NSMAF: variants seen among roughly 807,000 people sequenced by gnomAD.
NSMAF encodes the protein neutral sphingomyelinase activation associated factor, also known as protein FAN.
A neutral mutation model predicts 134.9 loss-of-function variants in NSMAF; 90 were observed. That is an observed-to-expected ratio of 0.67 (90% CI 0.56 to 0.79). The LOEUF (loss-of-function observed/expected upper bound fraction) is 0.79, where lower values mean the gene tolerates loss of function less well. Ranked by LOEUF, NSMAF falls within the 30% of genes least tolerant of loss-of-function variation. The probability of loss-of-function intolerance (pLI) is 0.00; values close to 1 mark genes in which losing one functional copy is unlikely to be tolerated. For synonymous variants in NSMAF, 358 were observed against 389.6 expected, an observed-to-expected ratio of 0.92 and a Z score of 0.96; for missense variants, 1,010 against 1,119.0, an observed-to-expected ratio of 0.90 and a Z score of 1.39.
chr8:58,608,573 T>C (rs975376202), intron 10 of NSMAF, among the ~76,000 whole-genome samples: 2 of 152,092 alleles, frequency 1.3e-5, no homozygotes, highest in African/African-American at 2.4e-5. Context: ...CTGGCCAGTA[T>C]TGGGAAGGGG....
At chr8:58,591,966 C>T (rs967654070) in intron 23 of NSMAF, among the ~76,000 whole-genome samples, 7 of 152,168 alleles carry the variant, frequency 4.6e-5, no homozygotes, top group African/African-American at 9.7e-5. Flanking sequence ...ATTTTTGCAA[C>T]CCCAACACAC....
intron 30 of NSMAF, among the ~76,000 whole-genome samples, chr8:58,585,141 G>C (rs1337647285): frequency 6.6e-6 from 1 of 152,070 alleles, no homozygotes; most frequent in African/African-American, 2.4e-5. Context: ...ATTACCAAAT[G>C]AAAAACATGG....
Position 58,594,305 on chromosome 8 carries a change from A to T in NSMAF, c.1893-15T>A. The T allele has an allele frequency of 1.2e-6, 2 of 1,611,364 alleles. No homozygotes were observed. Among genetic ancestry groups the T allele is most frequent in the South Asian group, 2.2e-5 (2 of 91,006 alleles). Reference sequence around the variant, plus strand: ...CAGTAACTGCTCTGCTCAAAAACAAAGTTTCACAAATTACTACTCATCATG... The same window carrying T: ...CAGTAACTGCTCTGCTCAAAAACAATGTTTCACAAATTACTACTCATCATG... On this transcript the variant is annotated splice_polypyrimidine_tract_variant and intron_variant, in intron 22 of 30. Transcript: ENST00000038176.
chr8:58,648,381 G>A (rs765348499), intron 1 of NSMAF, among the ~76,000 whole-genome samples: 14 of 152,194 alleles, frequency 9.2e-5, no homozygotes, highest in Non-Finnish European at 1.5e-4. Flanking sequence ...TTTGTAGCCC[G>A]GCCATGTGGT....
At chr8:58,624,080 C>T (rs1320398453) in intron 6 of NSMAF, among the ~76,000 whole-genome samples, 5 of 119,170 alleles carry the variant, frequency 4.2e-5, no homozygotes, top group East Asian at 2.5e-4. Flanking sequence ...CTTGTTCTGT[C>T]GCCCAGGCTG....
chr8:58,606,009 A>G lies in NSMAF; in HGVS notation c.786T>C (p.Asp262=). 6.3e-7 allele frequency: 1 copy of G among 1,594,370 alleles called. No homozygotes were observed. Among genetic ancestry groups the G allele is most frequent in the Non-Finnish European group, 8.5e-7 (1 of 1,173,582 alleles). ...TTAGGTAGATGTCGGAACACAGATC[A>G]TCTTCTGTGCAAAATACTTCCAAGC... is the stretch of plus-strand genomic sequence containing the variant. ...PLGLEVFCTE[D]DLCSDIYLKF... is the part of the protein sequence containing the mutation. The change falls in exon 12 of 31, where the codon GAT becomes GAC. Residue 262 remains aspartate, a synonymous_variant. Coordinates refer to ENST00000038176, the MANE Select transcript of NSMAF (RefSeq NM_003580.4).
chr8:58,599,525 GA>G, intron 18 of NSMAF, 162 bp from the exon 19 acceptor site: 3 of 955,824 alleles, frequency 3.1e-6, no homozygotes, highest in Non-Finnish European at 4.5e-6. Flanking sequence ...GTTTTTTGGG[GA>G]AAAAAGTGGC....
chr8:58,589,909 T>C (rs1474312183), intron 25 of NSMAF, 98 bp downstream of exon 25: 12 of 955,756 alleles, frequency 1.3e-5, no homozygotes, highest in Admixed American at 2.1e-5. Flanking sequence ...AACAGTGCTG[T>C]GTCCTGGCAG....
At chr8:58,612,539 T>A (rs1161156830) in intron 9 of NSMAF, among the ~76,000 whole-genome samples, 1 of 152,216 alleles carries the variant, frequency 6.6e-6, no homozygotes, top group Non-Finnish European at 1.5e-5. Context: ...TGAGCCATTC[T>A]AGTGATCAAA....
intron 9 of NSMAF, among the ~76,000 whole-genome samples, chr8:58,616,115 A>G (rs1181655992): frequency 6.6e-6 from 1 of 152,226 alleles, no homozygotes; most frequent in African/African-American, 2.4e-5. Context: ...CAAATGCAAC[A>G]GTCCTATGTC....
At chr8:58,611,527 G>A (rs912618896) in intron 9 of NSMAF, among the ~76,000 whole-genome samples, 1 of 152,028 alleles carries the variant, frequency 6.6e-6, no homozygotes, top group African/African-American at 2.4e-5. Context: ...GGGTCAACAA[G>A]AACAAAAGAT....
chr8:58,653,541 A>G (rs1272078001), intron 1 of NSMAF, among the ~76,000 whole-genome samples: 2 of 152,124 alleles, frequency 1.3e-5, no homozygotes, highest in Non-Finnish European at 2.9e-5. Context: ...AGCTATATTA[A>G]TATCAGACAA....
Position 58,586,609 on chromosome 8 carries a change from C to G in NSMAF, c.2296-1G>C, listed in dbSNP as rs760234860. ...CAGCATTTAAACTGATTGTATCTACCTAAGGAAGAAAACACATTGATACAT... is the reference window on the plus strand; with the variant it reads ...CAGCATTTAAACTGATTGTATCTACGTAAGGAAGAAAACACATTGATACAT... On this transcript the variant is annotated splice_acceptor_variant, in intron 27 of 30. Transcript: ENST00000038176. LOFTEE classifies it high-confidence loss of function. 1 of 1,608,802 alleles carries G rather than the reference C, an allele frequency of 6.2e-7. No individual in the cohort carries two copies.
At chr8:58,591,116 T>C in intron 23 of NSMAF, 182 bp from the exon 24 acceptor site, 1 of 531,972 alleles carries the variant, frequency 1.9e-6, no homozygotes, top group Non-Finnish European at 3.0e-6. Flanking sequence ...AACATTAAGA[T>C]TCTATGACCT....
At chr8:58,586,393 A>C in intron 28 of NSMAF, 65 bp downstream of exon 28, 1 of 1,402,778 alleles carries the variant, frequency 7.1e-7, no homozygotes, top group Non-Finnish European at 9.9e-7. Flanking sequence ...CAAAATTAAC[A>C]ATATTGTTTA....
intron 9 of NSMAF, among the ~76,000 whole-genome samples, chr8:58,620,741 T>C (rs1423470976): frequency 3.3e-5 from 5 of 152,174 alleles, no homozygotes; most frequent in African/African-American, 1.2e-4. Flanking sequence ...TCATGTTTGT[T>C]TTAGGAAGAT....
intron 26 of NSMAF, among the ~76,000 whole-genome samples, chr8:58,589,125 A>G (rs910553527): frequency 6.7e-6 from 1 of 149,254 alleles, no homozygotes; most frequent in Non-Finnish European, 1.5e-5. Flanking sequence ...ATTGAATGTT[A>G]TTGCCTGTGT....
At chr8:58,632,913 C>A (rs1255884176) in intron 5 of NSMAF, among the ~76,000 whole-genome samples, 3 of 152,186 alleles carry the variant, frequency 2.0e-5, no homozygotes, top group Admixed American at 6.5e-5. Context: ...CCCTTTTATA[C>A]CCTGCGACCA....
At position 58,657,066 on chromosome 8, in the gene NSMAF, A is replaced by G. The variant is rs536822244; in HGVS notation, c.59+2507T>C. ...ATTCTTCCTTTATCACCTCTCACAG[A>G]CAATACACCACACCAAGACCTGTCA... On this transcript the variant is annotated intron_variant, in intron 1 of 30. Transcript: ENST00000038176. Among the ~76,000 whole-genome samples, 3 of 152,316 alleles carry G rather than the reference A, an allele frequency of 2.0e-5. No homozygotes were observed. The East Asian group carries it at 5.8e-4, about 29-fold the overall frequency.
Sources: allele counts gnomAD v4.1 joint callset (sites outside exome capture counted in the v4.1 genomes callset), GRCh38; gene constraint gnomAD v4.1.1; transcripts MANE v1.5; gene names NCBI Gene and HGNC (gene_info 2026-07-23, HGNC 2026-07-21).